PTCHD1: variants seen among roughly 807,000 people sequenced by gnomAD.
PTCHD1 encodes the protein patched domain-containing protein 1.
PTCHD1 carries 3 observed loss-of-function variants against 34.6 expected under a neutral mutation model. That is an observed-to-expected ratio of 0.09 (90% CI 0.04 to 0.22). PTCHD1 has a LOEUF of 0.22. Ranked by LOEUF, PTCHD1 falls within the 10% of genes least tolerant of loss-of-function variation. PTCHD1 has a pLI of 1.00. For synonymous variants in PTCHD1, 305 were observed against 283.1 expected, an observed-to-expected ratio of 1.08 and a Z score of -0.77; for missense variants, 504 against 685.5, an observed-to-expected ratio of 0.74 and a Z score of 2.96.
At chrX:23,362,802 A>G (rs995621284) in intron 1 of PTCHD1, among the ~76,000 whole-genome samples, 1 of 111,834 alleles carries the variant, frequency 8.9e-6, no homozygotes, top group Non-Finnish European at 1.9e-5. Flanking sequence ...TGACCTACAG[A>G]TGGGGTTTTG....
At chrX:23,371,613 G>A (rs1922280735) in intron 1 of PTCHD1, among the ~76,000 whole-genome samples, 1 of 111,245 alleles carries the variant, frequency 9.0e-6, no homozygotes, top group Non-Finnish European at 1.9e-5. Flanking sequence ...GCACTGAAGT[G>A]GTAAGGATGA....
chrX:23,377,838 A>C (rs1245355359), intron 1 of PTCHD1, among the ~76,000 whole-genome samples: 1 of 111,459 alleles, frequency 9.0e-6, no homozygotes, highest in African/African-American at 3.3e-5. Context: ...ATCCAGGCAC[A>C]TGCGCAGCAA....
intron 1 of PTCHD1, among the ~76,000 whole-genome samples, chrX:23,341,959 G>A (rs1921321542): frequency 9.0e-6 from 1 of 111,089 alleles, no homozygotes; most frequent in African/African-American, 3.3e-5. Flanking sequence ...CAGTTAAGAT[G>A]ATTTATGTAA....
chrX:23,383,299 C>T (rs1922608422), intron 2 of PTCHD1, among the ~76,000 whole-genome samples: 1 of 111,917 alleles, frequency 8.9e-6, no homozygotes. Flanking sequence ...TGGACATTTC[C>T]TTGGCTATCA....
intron 1 of PTCHD1, among the ~76,000 whole-genome samples, chrX:23,343,542 A>T (rs144677986): frequency 3.4e-4 from 38 of 112,496 alleles, no homozygotes; most frequent in Non-Finnish European, 5.8e-4. Flanking sequence ...ATCAAGGACA[A>T]GTGGTTTTCC....
chrX:23,334,796 C>CGCCGCCGCCGCCGCCGCCGCCGCT (rs1921112711), upstream of PTCHD1: 1 of 503,132 alleles, frequency 2.0e-6, no homozygotes, highest in Non-Finnish European at 2.4e-6. Flanking sequence ...CTGCCGCCGC[C>CGCCGCCGCCGCCGCCGCCGCCGCT]GCCGCCGCCG....
intron 1 of PTCHD1, among the ~76,000 whole-genome samples, chrX:23,356,508 G>A (rs1921806696): frequency 8.9e-6 from 1 of 111,779 alleles, no homozygotes; most frequent in East Asian, 2.8e-4. Context: ...TTCAGAAACA[G>A]CCCCAGTTTC....
chrX:23,349,913 A>G (rs1345211974), intron 1 of PTCHD1, among the ~76,000 whole-genome samples: 1 of 109,720 alleles, frequency 9.1e-6, no homozygotes, highest in Non-Finnish European at 1.9e-5. Flanking sequence ...CACTGGAGAT[A>G]GGGAGATGCC....
upstream of PTCHD1, chrX:23,334,792 C>CGGG: frequency 2.3e-6 from 1 of 437,182 alleles, no homozygotes; most frequent in South Asian, 1.1e-4. Flanking sequence ...GCCGCTGCCG[C>CGGG]CGCCGCCGCC....
chrX:23,350,426 C>T (rs778816051), intron 1 of PTCHD1, among the ~76,000 whole-genome samples: 1 of 111,323 alleles, frequency 9.0e-6, no homozygotes, highest in Non-Finnish European at 1.9e-5. Flanking sequence ...TTAGAAGTTT[C>T]CCAGCTGGGT....
chrX:23,375,314 G>T (rs1355384179), intron 1 of PTCHD1, among the ~76,000 whole-genome samples: 2 of 100,658 alleles, frequency 2.0e-5, no homozygotes, highest in Non-Finnish European at 4.0e-5. Flanking sequence ...TTTTGAGACG[G>T]AGTCTCGTTC....
chrX:23,338,149 T>A (rs781041256), intron 1 of PTCHD1, among the ~76,000 whole-genome samples: 2 of 111,894 alleles, frequency 1.8e-5, no homozygotes, highest in African/African-American at 6.5e-5. Context: ...CCCCCCAGCG[T>A]TGGTTTCCCC....
chrX:23,399,043 T>C lies in PTCHD1; in HGVS notation c.*4858T>C, dbSNP rs1923060878. On this transcript the variant is annotated 3_prime_UTR_variant, in exon 3 of 3. Transcript: ENST00000379361. ...CTTTTCAAAGTACAAAAAAAAGCGATGTGTACCAAGGAGAAAACCAGCAGA... is the reference window on the plus strand; with the variant it reads ...CTTTTCAAAGTACAAAAAAAAGCGACGTGTACCAAGGAGAAAACCAGCAGA... 1 of 110,881 alleles carries C rather than the reference T, an allele frequency of 9.0e-6. No individual in the cohort carries two copies. Among genetic ancestry groups the C allele is most frequent in the Non-Finnish European group, 1.9e-5 (1 of 53,055 alleles). 9.1% of individuals were successfully genotyped at this position (110,881 alleles called of 1,213,427 possible). A position where few individuals can be genotyped will look rare whatever the true frequency, so the allele number is the denominator to read the frequency against.
At chrX:23,360,226 C>T (rs1921935850) in intron 1 of PTCHD1, among the ~76,000 whole-genome samples, 1 of 111,584 alleles carries the variant, frequency 9.0e-6, no homozygotes, top group African/African-American at 3.3e-5. Context: ...GGAATGGTAC[C>T]AGCTCTTCTA....
chrX:23,392,864 C>T lies in PTCHD1; in HGVS notation c.1346C>T (p.Ala449Val). The T allele has an allele frequency of 2.5e-6, 3 of 1,211,553 alleles. No homozygotes were observed. The highest frequency in any genetic ancestry group is 3.4e-6 in the Non-Finnish European group (3 of 895,073). ...IFCRKVPKPE[A>V]LQEKPAWYRF... ...TGTAGAAAAGTCCCAAAGCCTGAGGCATTGCAGGAGAAGCCGGCATGGTAC... is the reference window on the plus strand; with the variant it reads ...TGTAGAAAAGTCCCAAAGCCTGAGGTATTGCAGGAGAAGCCGGCATGGTAC... Residue 449 changes from alanine to valine, a missense_variant, in exon 3 of 3, where the codon GCA becomes GTA. By Grantham distance (64) the Ala-to-Val change is moderately conservative. Coordinates refer to ENST00000379361, the MANE Select transcript of PTCHD1 (RefSeq NM_173495.3).
At chrX:23,353,609 CAAAAA>C (rs200478194) in intron 1 of PTCHD1, among the ~76,000 whole-genome samples, 15 of 96,410 alleles carry the variant, frequency 1.6e-4, no homozygotes, top group African/African-American at 4.9e-4. Context: ...CAAAACAAAA[CAAAAA>C]AAAAAAACGT....
chrX:23,382,043 T>C (rs1922577046), intron 2 of PTCHD1, among the ~76,000 whole-genome samples: 1 of 111,369 alleles, frequency 9.0e-6, no homozygotes, highest in Non-Finnish European at 1.9e-5. Context: ...CTTGCTGCTT[T>C]TGTGGGAGGA....
At chrX:23,373,956 A>G (rs1922336432) in intron 1 of PTCHD1, among the ~76,000 whole-genome samples, 1 of 112,062 alleles carries the variant, frequency 8.9e-6, no homozygotes, top group Admixed American at 9.5e-5. Flanking sequence ...ATATAGGTTA[A>G]GAAGTCAAAT....
At chrX:23,388,469 ATC>A (rs982124915) in intron 2 of PTCHD1, among the ~76,000 whole-genome samples, 3 of 112,387 alleles carry the variant, frequency 2.7e-5, no homozygotes, top group African/African-American at 9.7e-5. Flanking sequence ...CACATGCAAT[ATC>A]TGTTTGCCTA....
Sources: allele counts gnomAD v4.1 joint callset (sites outside exome capture counted in the v4.1 genomes callset), GRCh38; gene constraint gnomAD v4.1.1; transcripts MANE v1.5; gene names NCBI Gene and HGNC (gene_info 2026-07-23, HGNC 2026-07-21).